MYOM1: variants seen among roughly 807,000 people sequenced by gnomAD.
MYOM1 encodes the protein myomesin-1.
A neutral mutation model predicts 205.3 loss-of-function variants in MYOM1; 164 were observed. That is an observed-to-expected ratio of 0.80 (90% CI 0.70 to 0.91). The LOEUF (loss-of-function observed/expected upper bound fraction) is 0.91. Among genes scored for constraint, MYOM1 ranks in the 40% least tolerant of loss-of-function variants. The pLI is 0.00. For synonymous variants in MYOM1, 772 were observed against 789.4 expected (o/e 0.98, Z 0.37); for missense variants, 2,011 against 2,127.3 (o/e 0.95, Z 1.08).
the MYOM1 span, among the ~76,000 whole-genome samples, chr18:3,227,141 T>C: frequency 6.6e-6 from 1 of 152,240 alleles, no homozygotes; most frequent in African/African-American, 2.4e-5. Flanking sequence ...TCTGGTATGA[T>C]AATGACTTCC....
At chr18:3,188,438 G>A (rs905207013) in intron 4 of MYOM1, among the ~76,000 whole-genome samples, 7 of 145,168 alleles carry the variant, frequency 4.8e-5, no homozygotes, top group Non-Finnish European at 7.5e-5. Flanking sequence ...CCAACATGGC[G>A]AAACCCCACC....
chr18:3,195,805 T>C (rs905800045), intron 2 of MYOM1, among the ~76,000 whole-genome samples: 1 of 152,216 alleles, frequency 6.6e-6, no homozygotes, highest in South Asian at 2.1e-4. Context: ...GAATGTGCCA[T>C]AATATGAGTA....
intron 37 of MYOM1, among the ~76,000 whole-genome samples, chr18:3,070,405 G>A (rs2078946064): frequency 6.6e-6 from 1 of 152,088 alleles, no homozygotes; most frequent in Non-Finnish European, 1.5e-5. Flanking sequence ...TCCTGCCTTG[G>A]CCTCCCAAAG....
At chr18:3,083,071 A>G (rs1457816184) in intron 33 of MYOM1, among the ~76,000 whole-genome samples, 1 of 152,212 alleles carries the variant, frequency 6.6e-6, no homozygotes, top group Non-Finnish European at 1.5e-5. Flanking sequence ...GTATAGAAAG[A>G]AAGGTAAGAA....
At chr18:3,206,016 G>A (rs2081119713) in intron 2 of MYOM1, among the ~76,000 whole-genome samples, 1 of 152,110 alleles carries the variant, frequency 6.6e-6, no homozygotes, top group Non-Finnish European at 1.5e-5. Context: ...AAGAAAGGAT[G>A]GAAGAACACA....
intron 11 of MYOM1, 62 bp downstream of exon 11, chr18:3,154,885 A>C (rs1025395833): frequency 5.4e-5 from 83 of 1,532,590 alleles, no homozygotes; most frequent in Non-Finnish European, 6.7e-5. Context: ...AAATGATGGG[A>C]GAAATCAAGC....
chr18:3,072,371 T>TTTTTTTTTTTTTTTTTTTTTTG, intron 36 of MYOM1, among the ~76,000 whole-genome samples: 1 of 132,504 alleles, frequency 7.5e-6, no homozygotes, highest in Admixed American at 7.5e-5. Flanking sequence ...TTTTTTTTTT[T>TTTTTTTTTTTTTTTTTTTTTTG]GAGGCAGAGT....
chr18:3,211,838 C>T (rs1214770508), intron 2 of MYOM1, among the ~76,000 whole-genome samples: 2 of 152,274 alleles, frequency 1.3e-5, no homozygotes, highest in East Asian at 1.9e-4. Context: ...CCACTTTAAC[C>T]CTGGACATCT....
At chr18:3,075,825 T>C in intron 34 of MYOM1, 64 bp from the exon 35 acceptor site, 2 of 1,410,070 alleles carry the variant, frequency 1.4e-6, no homozygotes, top group African/African-American at 2.8e-5. Context: ...CAGGGGCGAT[T>C]AAAATTCACA....
chr18:3,149,315 G>T, intron 12 of MYOM1, 114 bp from the exon 13 acceptor site: 2 of 783,192 alleles, frequency 2.6e-6, no homozygotes, highest in South Asian at 1.8e-5. Context: ...GTTACTAATA[G>T]ACTTATGTGT....
chr18:3,112,483 CG>C, intron 21 of MYOM1, 71 bp from the exon 22 acceptor site: 1 of 1,162,278 alleles, frequency 8.6e-7, no homozygotes. Flanking sequence ...TTTAAACAGA[CG>C]GGGCTCTTCC....
At chr18:3,089,118 C>A in intron 29 of MYOM1, 56 bp downstream of exon 29, 1 of 1,343,716 alleles carries the variant, frequency 7.4e-7, no homozygotes, top group South Asian at 1.3e-5. Context: ...TTCCTCTTCT[C>A]TACATTCTAT....
At chr18:3,084,918 A>T in intron 31 of MYOM1, 127 bp downstream of exon 31, 1 of 687,332 alleles carries the variant, frequency 1.5e-6, no homozygotes, top group Non-Finnish European at 2.4e-6. Context: ...TTGGAATTTC[A>T]ATTAAGCCAA....
At chr18:3,188,109 G>T (rs994231185) in intron 4 of MYOM1, among the ~76,000 whole-genome samples, 2 of 151,846 alleles carry the variant, frequency 1.3e-5, no homozygotes, top group Non-Finnish European at 2.9e-5. Flanking sequence ...TCCCAAAACT[G>T]GGATTACAGG....
At chr18:3,243,815 G>A in the MYOM1 span, among the ~76,000 whole-genome samples, 2 of 152,082 alleles carry the variant, frequency 1.3e-5, no homozygotes, top group African/African-American at 4.8e-5. Context: ...GTTGTTGTAA[G>A]AATTATATAT....
rs9807556 is a variant in MYOM1, at chr18:3,151,738, T to A, written c.1799A>T (p.Glu600Val). Residue 600 changes from glutamate to valine, a missense_variant, in exon 12 of 38, where the codon GAG (glutamate) becomes GTG (valine). Physicochemically the swap from Glu to Val is moderately radical, Grantham distance 121 (BLOSUM62 -2). Coordinates refer to ENST00000356443, the MANE Select transcript of MYOM1 (RefSeq NM_003803.4). ...AGCCGGATCCAGAGCAGCCACGGGC[T>A]CGGAAACTCGAGATGGGAAACCTAT... is the stretch of plus-strand genomic sequence containing the variant. ...MGIGFPSRVS[E>V]PVAALDPAEK... 3.0e-3 allele frequency: 4,884 copies of A among 1,613,796 alleles called. 123 individuals carry two copies. The African/African-American group carries it at 0.056, about 18-fold the overall frequency.
At chr18:3,173,266 A>G (rs1208870406) in intron 8 of MYOM1, among the ~76,000 whole-genome samples, 1 of 152,200 alleles carries the variant, frequency 6.6e-6, no homozygotes, top group African/African-American at 2.4e-5. Flanking sequence ...TTTAGACTTC[A>G]TTTTAGATTG....
At chr18:3,103,955 A>T (rs1053106359) in intron 22 of MYOM1, among the ~76,000 whole-genome samples, 2 of 152,228 alleles carry the variant, frequency 1.3e-5, no homozygotes, top group Non-Finnish European at 2.9e-5. Flanking sequence ...AAAATTTTTT[A>T]AAATTCCTTT....
At chr18:3,139,755 C>G (rs777384824) in intron 14 of MYOM1, among the ~76,000 whole-genome samples, 1 of 152,138 alleles carries the variant, frequency 6.6e-6, no homozygotes, top group Non-Finnish European at 1.5e-5. Context: ...TGTTCATAAA[C>G]GTCCCCTTCT....
Sources: allele counts gnomAD v4.1 joint callset (sites outside exome capture counted in the v4.1 genomes callset), GRCh38; gene constraint gnomAD v4.1.1; transcripts MANE v1.5; gene names NCBI Gene and HGNC (gene_info 2026-07-23, HGNC 2026-07-21).